The following MED12L variants were observed in gnomAD, a reference collection of about 807,000 sequenced individuals.
MED12L encodes the protein mediator complex subunit 12L.
Under a neutral mutation model 281.3 loss-of-function variants are expected in MED12L, and 60 were observed. The ratio of observed to expected loss-of-function variants is 0.21; its 90% CI spans 0.17 to 0.26. MED12L has a LOEUF of 0.26. Among genes scored for constraint, MED12L ranks in the 10% least tolerant of loss-of-function variants. The pLI is 1.00. For missense variants in MED12L, 2,146 were observed against 2,680.9 expected (o/e 0.80, Z 4.41); for synonymous variants, 974 against 987.2 (o/e 0.99, Z 0.25).
intron 16 of MED12L, among the ~76,000 whole-genome samples, chr3:151,300,492 A>G (rs1745755816): frequency 6.6e-6 from 1 of 152,182 alleles, no homozygotes; most frequent in Admixed American, 6.5e-5. Flanking sequence ...ATATTATCAA[A>G]CATGATTTCC....
chr3:151,107,292 G>T (rs1478663235), intron 2 of MED12L, among the ~76,000 whole-genome samples: 1 of 152,040 alleles, frequency 6.6e-6, no homozygotes, highest in Non-Finnish European at 1.5e-5. Context: ...ACTGTAAGAG[G>T]CTATCCTCTT....
chr3:151,159,678 G>A (rs1042291098), intron 7 of MED12L, among the ~76,000 whole-genome samples, 154 bp from the exon 8 acceptor site: 7 of 151,740 alleles, frequency 4.6e-5, no homozygotes, highest in East Asian at 3.8e-4. Flanking sequence ...AAAATTATAC[G>A]TGTGGCTCAC....
At chr3:151,353,520 A>C (rs1344733760) in intron 17 of MED12L, among the ~76,000 whole-genome samples, 4 of 152,252 alleles carry the variant, frequency 2.6e-5, no homozygotes, top group African/African-American at 4.8e-5. Flanking sequence ...GCACCTTTAA[A>C]TTCTGATGTA....
At chr3:151,300,083 C>T (rs1416076813) in intron 16 of MED12L, 16 of 1,606,896 alleles carry the variant, frequency 1.0e-5, no homozygotes, top group South Asian at 3.3e-5. Flanking sequence ...ATTTTGCAAG[C>T]GTCAAGTTGA....
chr3:151,127,789 T>G, intron 4 of MED12L, 36 bp from the exon 5 acceptor site: 1 of 1,479,798 alleles, frequency 6.8e-7, no homozygotes, highest in Non-Finnish European at 9.4e-7. Flanking sequence ...ACACAGTACG[T>G]GATTATTATA....
rs372977029 is a variant in MED12L at position 151,120,526 on chromosome 3, A to G, written c.205-2257A>G. On this transcript the variant is annotated intron_variant, in intron 3 of 44. Coordinates refer to ENST00000687756, the MANE Select transcript of MED12L (RefSeq NM_001393769.1). Reference sequence around the variant, plus strand: ...GATTAAATGTATATCCACACAGTACATTGTTATGTGTCTATAAAAATGAAG... The same window carrying G: ...GATTAAATGTATATCCACACAGTACGTTGTTATGTGTCTATAAAAATGAAG... 2.3e-3 allele frequency among the ~76,000 whole-genome samples: 346 copies of G among 152,342 alleles called. 8 individuals are homozygous for G. The South Asian group carries it at 0.059, about 26-fold the overall frequency.
intron 21 of MED12L, among the ~76,000 whole-genome samples, chr3:151,361,311 G>A (rs1754587086): frequency 6.6e-6 from 1 of 151,948 alleles, no homozygotes; most frequent in Non-Finnish European, 1.5e-5. Context: ...AAAATGACCA[G>A]TACCCTCACT....
chr3:151,360,491 A>G lies in MED12L; in HGVS notation c.2843A>G (p.Lys948Arg), dbSNP rs1754479231. The G allele has an allele frequency of 6.2e-7, 1 of 1,612,680 alleles. No individual in the cohort carries two copies. ...QVFEGLCGVV[K>R]HVVNPSECSS... ...CTCCTCAGGTTGTGTGGTGTGGTCA[A>G]GCATGTCGTAAACCCCTCAGAATGT... Residue 948 changes from lysine to arginine, a missense_variant, in exon 21 of 45, where the codon AAG becomes AGG. Transcript: ENST00000687756.
intron 2 of MED12L, among the ~76,000 whole-genome samples, chr3:151,090,729 T>G (rs1424444310): frequency 1.3e-5 from 2 of 152,110 alleles, no homozygotes; most frequent in Admixed American, 1.3e-4. Flanking sequence ...AAGAGGAGGT[T>G]TACTCTGGGA....
At chr3:151,173,721 C>T (rs1721703672) in intron 11 of MED12L, among the ~76,000 whole-genome samples, 1 of 152,172 alleles carries the variant, frequency 6.6e-6, no homozygotes, top group Non-Finnish European at 1.5e-5. Context: ...TTCAGATCTC[C>T]CTTAGTGTCA....
At chr3:151,276,136 C>CCCAGG (rs1741812514) in intron 16 of MED12L, among the ~76,000 whole-genome samples, 1 of 152,224 alleles carries the variant, frequency 6.6e-6, no homozygotes, top group Non-Finnish European at 1.5e-5. Flanking sequence ...CTGGATCTGT[C>CCCAGG]CCAGGACATG....
chr3:151,237,536 A>G lies in MED12L; in HGVS notation c.2250+43870A>G, dbSNP rs541736978. On this transcript the variant is annotated intron_variant, in intron 16 of 44. Transcript: ENST00000687756. ...GGCTAATTTTTTGTATTTTTAGTGG[A>G]GATGGGGTTTCACCATGTTGGCCAG... 8.6e-5 allele frequency among the ~76,000 whole-genome samples: 13 copies of G among 150,844 alleles called. No homozygotes were observed. The South Asian group carries it at 2.7e-3, about 32-fold the overall frequency.
At chr3:151,372,459 A>G (rs186968173) in intron 26 of MED12L, 108 bp from the exon 27 acceptor site, 123 of 763,178 alleles carry the variant, frequency 1.6e-4, no homozygotes, top group Admixed American at 5.0e-4. Flanking sequence ...TTCAATAATA[A>G]TACTGTTCAT....
At chr3:151,258,392 A>C (rs925441737) in intron 16 of MED12L, among the ~76,000 whole-genome samples, 7 of 152,106 alleles carry the variant, frequency 4.6e-5, no homozygotes, top group African/African-American at 1.7e-4. Flanking sequence ...AGGTGAAGAA[A>C]ATTTTCTGTT....
intron 17 of MED12L, among the ~76,000 whole-genome samples, chr3:151,353,067 T>G (rs996949257): frequency 1.3e-5 from 2 of 152,188 alleles, no homozygotes; most frequent in Admixed American, 6.5e-5. Context: ...AATTACATTC[T>G]TTTACATGAA....
At chr3:151,386,249 A>G (rs16863352) in intron 36 of MED12L, among the ~76,000 whole-genome samples, 9,469 of 152,264 alleles carry the variant, frequency 0.062, 438 homozygotes, top group Middle Eastern at 0.18. Flanking sequence ...GTGTCAGCGG[A>G]CTTCCTGGTA....
chr3:151,357,763 A>T (rs1754107695), intron 20 of MED12L, among the ~76,000 whole-genome samples: 1 of 152,242 alleles, frequency 6.6e-6, no homozygotes, highest in South Asian at 2.1e-4. Flanking sequence ...AGCTTTGCAT[A>T]CATTATCATC....
At chr3:151,219,102 G>A (rs1418789337) in intron 16 of MED12L, among the ~76,000 whole-genome samples, 1 of 152,184 alleles carries the variant, frequency 6.6e-6, no homozygotes, top group African/African-American at 2.4e-5. Flanking sequence ...TTATTAAAGT[G>A]TAGTGGGAGC....
chr3:151,168,502 T>C (rs1041027345), intron 11 of MED12L, among the ~76,000 whole-genome samples: 1 of 152,182 alleles, frequency 6.6e-6, no homozygotes, highest in African/African-American at 2.4e-5. Flanking sequence ...CTGAGAGTCC[T>C]GGAGGCTCTA....
Sources: gnomAD v4.1 joint callset for allele counts (sites outside exome capture counted in the v4.1 genomes callset) on GRCh38, gnomAD v4.1.1 for gene constraint, MANE v1.5 for transcripts, NCBI Gene and HGNC (gene_info 2026-07-23, HGNC 2026-07-21) for gene names.